TTC6: variants seen among roughly 807,000 people sequenced by gnomAD.
The protein encoded by TTC6 is tetratricopeptide repeat protein 6.
TTC6 carries 172 observed loss-of-function variants against 210.4 expected under a neutral mutation model. The observed-to-expected ratio is 0.82, with a 90% CI of 0.72 to 0.93. The LOEUF (loss-of-function observed/expected upper bound fraction) is 0.93. TTC6 is among the 40% of genes least tolerant of loss of function. The probability of loss-of-function intolerance (pLI) is 0.00; values close to 1 mark genes in which losing one functional copy is unlikely to be tolerated. For missense variants in TTC6, 2,414 were observed against 2,318.1 expected (o/e 1.04, Z -0.85); for synonymous variants, 804 against 819.6 (o/e 0.98, Z 0.32).
intron 29 of TTC6, among the ~76,000 whole-genome samples, chr14:37,834,505 C>A (rs1274475146): frequency 1.3e-5 from 2 of 152,012 alleles, no homozygotes; most frequent in East Asian, 3.9e-4. Flanking sequence ...TCATTGAATT[C>A]TTCAGTTCCA....
rs112403059 is a variant in TTC6 at position 37,719,681 on chromosome 14, C to A, written c.1713+4885C>A. Among the ~76,000 whole-genome samples, 406 of 152,180 alleles carry A rather than the reference C, an allele frequency of 2.7e-3. 6 individuals are homozygous for A. The highest frequency in any genetic ancestry group is 8.7e-3 in the African/African-American group (360 of 41,528). On this transcript the variant is annotated intron_variant, in intron 6 of 30. Coordinates refer to ENST00000553443, the Ensembl canonical transcript of TTC6. ...AAAAAGAACCCTGACCTAAGTCTTG[C>A]ATCCTATAAAAAATGTACTTAAAAT...
At chr14:37,793,586 ACT>A (rs1595275756) in intron 17 of TTC6, among the ~76,000 whole-genome samples, 1 of 152,138 alleles carries the variant, frequency 6.6e-6, no homozygotes, top group East Asian at 1.9e-4. Context: ...TTAGTTCTTG[ACT>A]CTGTCAGGGA....
At chr14:37,768,558 A>T (rs1477974727) in intron 14 of TTC6, among the ~76,000 whole-genome samples, 2 of 151,990 alleles carry the variant, frequency 1.3e-5, no homozygotes, top group East Asian at 3.9e-4. Context: ...ATTCTCCTTG[A>T]AGCAATTGTG....
chr14:37,738,837 A>G (rs1167582953), exon 10 of TTC6: 10 of 1,532,202 alleles, frequency 6.5e-6, no homozygotes, highest in Non-Finnish European at 8.7e-6. Context: ...GAAATCAAGA[A>G]TGATATGCAA....
chr14:37,649,058 T>C (rs1012781812), intron 1 of TTC6, among the ~76,000 whole-genome samples: 1 of 152,140 alleles, frequency 6.6e-6, no homozygotes, highest in African/African-American at 2.4e-5. Flanking sequence ...TGGACACCTC[T>C]GTTGAGACAT....
Position 37,827,382 on chromosome 14 carries a change from C to T in TTC6, c.5298+16C>T, listed in dbSNP as rs1181377221. 6.2e-7 allele frequency: 1 copy of T among 1,608,978 alleles called. No individual in the cohort carries two copies. The highest frequency in any genetic ancestry group is 8.5e-7 in the Non-Finnish European group (1 of 1,176,990). On this transcript the variant is annotated intron_variant, in intron 29 of 30. Transcript: ENST00000553443. ...GTTTTCCCAGGTAATGTGAGTTTTA[C>T]TTAACGCTTTCTTTTTGACCTGGAA...
At chr14:37,597,620 C>G (rs1057041098) in intron 1 of TTC6, among the ~76,000 whole-genome samples, 49 of 152,212 alleles carry the variant, frequency 3.2e-4, no homozygotes, top group African/African-American at 1.1e-3. Context: ...TTCTCCTAGG[C>G]TTCTTCAAAG....
At chr14:37,797,804 C>T (rs2096096161) in intron 20 of TTC6, among the ~76,000 whole-genome samples, 1 of 151,988 alleles carries the variant, frequency 6.6e-6, no homozygotes, top group South Asian at 2.1e-4. Context: ...TAAGACCCTA[C>T]TCTATCTTAA....
chr14:37,839,024 G>A (rs2096204213), intron 29 of TTC6, among the ~76,000 whole-genome samples: 1 of 152,192 alleles, frequency 6.6e-6, no homozygotes. Context: ...TGGTGTATAT[G>A]TGCCACATTT....
chr14:37,657,748 T>C (rs1471512871), intron 1 of TTC6, among the ~76,000 whole-genome samples: 1 of 152,222 alleles, frequency 6.6e-6, no homozygotes, highest in East Asian at 1.9e-4. Flanking sequence ...AAATTAATTT[T>C]GGAGGAAGAT....
intron 7 of TTC6, among the ~76,000 whole-genome samples, chr14:37,733,100 G>A (rs2095892282): frequency 6.6e-6 from 1 of 152,146 alleles, no homozygotes; most frequent in South Asian, 2.1e-4. Context: ...CCTAGAATAT[G>A]CATCTTTAAC....
rs971035208 is a variant in TTC6, at chr14:37,622,401, C to G, written c.337C>G (p.Arg113Gly). 4 of 1,534,062 alleles carry G rather than the reference C, an allele frequency of 2.6e-6. No homozygotes were observed. The Admixed American group carries it at 5.9e-5, about 23-fold the overall frequency. ...TGAGGCGGCGGCTCCAGGCAAGACC[C>G]GGTCGTTTCGCCCCCGGGACTTTTA... The change falls in exon 1 of 31, where the codon CGG (arginine) becomes GGG (glycine). Residue 113 changes from arginine (R) to glycine (G), a missense_variant. Coordinates refer to ENST00000553443, the Ensembl canonical transcript of TTC6.
chr14:37,663,119 T>C (rs2095740755), intron 1 of TTC6, among the ~76,000 whole-genome samples: 1 of 152,216 alleles, frequency 6.6e-6, no homozygotes, highest in Admixed American at 6.5e-5. Flanking sequence ...CCTGGTTAGC[T>C]GTATTCCTGT....
intron 25 of TTC6, among the ~76,000 whole-genome samples, chr14:37,816,080 A>T (rs977828027): frequency 2.6e-5 from 4 of 151,412 alleles, no homozygotes; most frequent in Non-Finnish European, 4.4e-5. Context: ...CCTCCTAGAG[A>T]GATGTCTGGA....
At chr14:37,803,622 C>T (rs1312453925) in intron 20 of TTC6, among the ~76,000 whole-genome samples, 1 of 152,126 alleles carries the variant, frequency 6.6e-6, no homozygotes, top group Non-Finnish European at 1.5e-5. Flanking sequence ...AAGGAAGTAA[C>T]AGGCTGCTCA....
At chr14:37,769,319 A>T (rs1318575754) in intron 14 of TTC6, among the ~76,000 whole-genome samples, 1 of 151,546 alleles carries the variant, frequency 6.6e-6, no homozygotes, top group East Asian at 1.9e-4. Context: ...GGCCTCATAA[A>T]ATGAGTTAGG....
In TTC6 at chr14:37,740,340, A is replaced by G. The variant is rs867933848; in HGVS notation, c.2363+1185A>G. On this transcript the variant is annotated intron_variant, in intron 10 of 30. Transcript: ENST00000553443. ...ATGTGTTCATTATTAAGTATTCAGG[A>G]CATAACTTTCTTATAACAAACATAT... Among the ~76,000 whole-genome samples, 8 of 152,308 alleles carry G rather than the reference A, an allele frequency of 5.3e-5. No individual in the cohort carries two copies. The Middle Eastern group carries it at 0.01, about 194-fold the overall frequency.
At chr14:37,652,546 A>G (rs1257321976) in intron 1 of TTC6, among the ~76,000 whole-genome samples, 1 of 152,220 alleles carries the variant, frequency 6.6e-6, no homozygotes, top group African/African-American at 2.4e-5. Flanking sequence ...AAAGTAATAC[A>G]TGAACATAGT....
intron 24 of TTC6, among the ~76,000 whole-genome samples, chr14:37,810,231 T>G (rs1448580953): frequency 6.6e-6 from 1 of 152,136 alleles, no homozygotes; most frequent in Non-Finnish European, 1.5e-5. Flanking sequence ...TAGAGTGACC[T>G]ACACAACAGG....
Sources: allele counts gnomAD v4.1 joint callset (sites outside exome capture counted in the v4.1 genomes callset), GRCh38; gene constraint gnomAD v4.1.1; transcripts MANE v1.5; gene names NCBI Gene and HGNC (gene_info 2026-07-23, HGNC 2026-07-21).